COL4A2: variants seen among roughly 807,000 people sequenced by gnomAD.
COL4A2 encodes collagen alpha-2(IV) chain.
In COL4A2, 99 loss-of-function variants were observed where a neutral mutation model predicts 200.2. The observed-to-expected ratio is 0.49, with a 90% CI of 0.42 to 0.58. COL4A2 has a LOEUF of 0.58. Among genes scored for constraint, COL4A2 ranks in the 20% least tolerant of loss-of-function variants. The pLI is 0.00. For synonymous variants in COL4A2, 897 were observed against 900.6 expected (o/e 1.00, Z 0.07); for missense variants, 1,950 against 2,314.1 (o/e 0.84, Z 3.23).
chr13:110,459,635 T>C (rs1288513714), intron 22 of COL4A2: 1 of 152,190 alleles, frequency 6.6e-6, no homozygotes, highest in Admixed American at 6.5e-5. Context: ...ATAATGAAGA[T>C]GTTCTGAAAT....
chr13:110,372,657 G>A (rs995236625), intron 4 of COL4A2, among the ~76,000 whole-genome samples: 6 of 152,156 alleles, frequency 3.9e-5, no homozygotes, highest in Non-Finnish European at 7.4e-5. Context: ...ACAGAAAATT[G>A]CCAACTTAAA....
intron 4 of COL4A2, among the ~76,000 whole-genome samples, chr13:110,395,150 C>T (rs1053727397): frequency 2.6e-5 from 4 of 152,150 alleles, no homozygotes; most frequent in Non-Finnish European, 4.4e-5. Flanking sequence ...CATATCAATG[C>T]GTAAGATGAT....
intron 13 of COL4A2, among the ~76,000 whole-genome samples, chr13:110,437,266 G>A (rs1397047910): frequency 6.6e-6 from 1 of 152,194 alleles, no homozygotes; most frequent in South Asian, 2.1e-4. Flanking sequence ...CTGGGAGACG[G>A]CAGGGAGGGC....
chr13:110,479,878 G>A (rs929338655), intron 30 of COL4A2, among the ~76,000 whole-genome samples: 5 of 152,206 alleles, frequency 3.3e-5, no homozygotes, highest in Non-Finnish European at 4.4e-5. Flanking sequence ...GCCAGCTCTT[G>A]ACTAACCCCA....
chr13:110,492,521 G>C (rs1285462279), intron 38 of COL4A2, among the ~76,000 whole-genome samples: 1 of 152,222 alleles, frequency 6.6e-6, no homozygotes, highest in Non-Finnish European at 1.5e-5. Flanking sequence ...GTACCACTGT[G>C]CTGCACGGGC....
chr13:110,492,156 C>T lies in COL4A2; in HGVS notation c.3541C>T (p.Pro1181Ser). 6.4e-7 allele frequency: 1 copy of T among 1,552,616 alleles called. No homozygotes were observed. Among genetic ancestry groups the T allele is most frequent in the East Asian group, 2.4e-5 (1 of 41,044 alleles). The stretch of plus-strand genomic sequence containing the variant: ...TGGTGGCAAAGGAGATGATGGCTGG[C>T]CGGGAGCTCCGGGCTTACCAGGTAA... The part of the protein sequence containing the change: ...LPGGKGDDGW[P>S]GAPGLPGFPG... Residue 1181 changes from proline to serine, a missense_variant, in exon 38 of 48, where the codon CCG becomes TCG. This residue lies in a region of COL4A2 where 1,385 missense variants were observed against 1,720.5 expected (regional missense o/e 0.80). Transcript: ENST00000360467.
chr13:110,325,601 A>ACTGGAGGCTTCCTC (rs1443005645), intron 3 of COL4A2, among the ~76,000 whole-genome samples: 1 of 152,194 alleles, frequency 6.6e-6, no homozygotes, highest in Non-Finnish European at 1.5e-5. Flanking sequence ...CTGCCTGATC[A>ACTGGAGGCTTCCTC]CTGGAGGCTT....
Position 110,488,543 on chromosome 13 carries a change from T to C in COL4A2, c.3208-902T>C, listed in dbSNP as rs550109333. Among the ~76,000 whole-genome samples the C allele has an allele frequency of 1.2e-4, 18 of 152,154 alleles. No homozygotes were observed. The East Asian group carries it at 2.9e-3, about 25-fold the overall frequency. On this transcript the variant is annotated intron_variant, in intron 34 of 47. Coordinates refer to ENST00000360467, the MANE Select transcript of COL4A2 (RefSeq NM_001846.4). ...AGCCACCTGTGTCTTTCTGGAGAAGTCTCCCTCTGTGCACAGATGGAGGCG... is the reference window on the plus strand; with the variant it reads ...AGCCACCTGTGTCTTTCTGGAGAAGCCTCCCTCTGTGCACAGATGGAGGCG...
intron 3 of COL4A2, among the ~76,000 whole-genome samples, chr13:110,332,064 TTC>T (rs1875942734): frequency 1.3e-5 from 2 of 152,220 alleles, no homozygotes; most frequent in Non-Finnish European, 2.9e-5. Context: ...TTACAATAGA[TTC>T]TGTTGTGTTT....
chr13:110,463,398 T>A (rs556492697), intron 24 of COL4A2: 8 of 152,172 alleles, frequency 5.3e-5, no homozygotes, highest in Non-Finnish European at 1.0e-4. Context: ...TATTTCCAAA[T>A]AAGGTCACAT....
At chr13:110,359,888 G>A (rs1877442017) in intron 4 of COL4A2, among the ~76,000 whole-genome samples, 1 of 152,174 alleles carries the variant, frequency 6.6e-6, no homozygotes, top group African/African-American at 2.4e-5. Context: ...TTCATCATTA[G>A]TTGCACTTCT....
chr13:110,313,056 A>G (rs1180918163), intron 3 of COL4A2, among the ~76,000 whole-genome samples: 3 of 152,148 alleles, frequency 2.0e-5, no homozygotes, highest in Non-Finnish European at 4.4e-5. Context: ...AATAGAATCT[A>G]TCCAGCCTGC....
At chr13:110,320,044 C>G (rs545806572) in intron 3 of COL4A2, among the ~76,000 whole-genome samples, 4 of 152,246 alleles carry the variant, frequency 2.6e-5, no homozygotes, top group Non-Finnish European at 5.9e-5. Flanking sequence ...TTGGAAAAGT[C>G]AACGCATTTC....
chr13:110,322,547 T>C (rs1885302442), intron 3 of COL4A2, among the ~76,000 whole-genome samples: 1 of 152,140 alleles, frequency 6.6e-6, no homozygotes, highest in Admixed American at 6.5e-5. Context: ...GGAGAAGACA[T>C]ATGGGGAACC....
chr13:110,455,558 C>T (rs1253918572), intron 20 of COL4A2, among the ~76,000 whole-genome samples: 1 of 152,148 alleles, frequency 6.6e-6, no homozygotes. Context: ...TGTGTCTCCA[C>T]GTCTAAGCTG....
intron 3 of COL4A2, among the ~76,000 whole-genome samples, chr13:110,324,869 C>T (rs1304219736): frequency 6.6e-6 from 1 of 152,200 alleles, no homozygotes; most frequent in Non-Finnish European, 1.5e-5. Flanking sequence ...ATTGATACAG[C>T]TTTAGGAATT....
Position 110,508,132 on chromosome 13 carries a change from A to G in COL4A2, c.4792A>G (p.Ile1598Val), listed in dbSNP as rs374339847. Residue 1598 changes from isoleucine to valine, a missense_variant, in exon 47 of 48, where the codon ATC becomes GTC. Ile to Val is a conservative substitution (Grantham distance 29). This residue lies in a region of COL4A2 where 1,385 missense variants were observed against 1,720.5 expected (regional missense o/e 0.80). Transcript: ENST00000360467. This position sits in a 1 kb window ranked among gnomAD's most constrained non-coding sequence, Gnocchi z 6.1. ...CTGTTCTGTGTGTGAGGCCCCGGCC[A>G]TCGCCATCGCGGTCCACAGTCAGGA... ...SRCSVCEAPA[I>V]AIAVHSQDVS... 5.0e-6 allele frequency: 8 copies of G among 1,614,132 alleles called. No homozygotes were observed. Among genetic ancestry groups the G allele is most frequent in the Non-Finnish European group, 6.8e-6 (8 of 1,180,044 alleles).
At chr13:110,454,602 C>T (rs1384053713) in intron 20 of COL4A2, among the ~76,000 whole-genome samples, 3 of 152,130 alleles carry the variant, frequency 2.0e-5, no homozygotes, top group African/African-American at 2.4e-5. Flanking sequence ...CCCAGCAGTG[C>T]GGGGTGCGGC....
rs570844638 is a variant in COL4A2, at chr13:110,487,736, G to A, written c.3208-1709G>A. Among the ~76,000 whole-genome samples the A allele has an allele frequency of 2.2e-4, 34 of 152,238 alleles. No individual in the cohort carries two copies. In the South Asian group the frequency reaches 5.8e-3, roughly 26 times the overall value. Reference sequence around the variant, plus strand: ...ATAAACCAGAAACAGAAAAGTACACGATTCAGTTTCATCGATGTGAAGTTC... The same window carrying A: ...ATAAACCAGAAACAGAAAAGTACACAATTCAGTTTCATCGATGTGAAGTTC... On this transcript the variant is annotated intron_variant, in intron 34 of 47. Transcript: ENST00000360467.
Sources: allele counts gnomAD v4.1 joint callset (sites outside exome capture counted in the v4.1 genomes callset), GRCh38; gene constraint gnomAD v4.1.1; regional missense constraint gnomAD v4.1.1; non-coding constraint Gnocchi (gnomAD v3.1); transcripts MANE v1.5; gene names NCBI Gene and HGNC (gene_info 2026-07-23, HGNC 2026-07-21).